DLX4: variants seen among roughly 807,000 people sequenced by gnomAD.
DLX4 encodes distal-less homeobox 4.
Under a neutral mutation model 17.1 loss-of-function variants are expected in DLX4, and 13 were observed. The ratio of observed to expected loss-of-function variants is 0.76; its 90% CI spans 0.49 to 1.21. DLX4 has a LOEUF of 1.21. DLX4 is among the 50% of genes most tolerant of loss of function. The pLI is 0.00. For synonymous variants in DLX4, 129 were observed against 140.3 expected (o/e 0.92, Z 0.57); for missense variants, 297 against 301.4 (o/e 0.99, Z 0.11).
At chr17:49,973,396 A>G (rs753442669) in intron 2 of DLX4, 127 bp downstream of exon 2, 3 of 1,368,086 alleles carry the variant, frequency 2.2e-6, no homozygotes, top group Non-Finnish European at 3.0e-6. Context: ...TCTCCAGGGA[A>G]TGTTCATAGC....
At chr17:49,971,516 C>G (rs923881632) in intron 1 of DLX4, among the ~76,000 whole-genome samples, 10 of 152,102 alleles carry the variant, frequency 6.6e-5, no homozygotes, top group African/African-American at 2.4e-4. Context: ...GATCTCGTAA[C>G]TTGCTGGAAC....
chr17:49,973,361 G>T (rs773499716), intron 2 of DLX4, 92 bp downstream of exon 2: 26 of 1,507,966 alleles, frequency 1.7e-5, no homozygotes, highest in Non-Finnish European at 2.2e-5. Context: ...CTGATGGATT[G>T]GTGCTGTGGC....
chr17:49,969,483 C>T lies in DLX4; in HGVS notation c.15C>T (p.Pro5=), dbSNP rs1318636884. MTSL[P]CPLPGRDASK... is the part of the protein sequence containing the mutation. ...CCCTGGCCACAATGACCTCTTTGCC[C>T]TGCCCCCTCCCCGGCCGGGACGCCT... is the stretch of plus-strand genomic sequence containing the variant. The change falls in exon 1 of 3, where the codon CCC becomes CCT. Residue 5 remains proline (P), a synonymous_variant. Transcript: ENST00000240306. 1.9e-6 allele frequency: 3 copies of T among 1,591,696 alleles called. No individual in the cohort carries two copies. The highest frequency in any genetic ancestry group is 1.1e-5 in the South Asian group (1 of 88,324).
chr17:49,973,543 G>A (rs1212745272), intron 2 of DLX4, 158 bp from the exon 3 acceptor site: 16 of 1,069,964 alleles, frequency 1.5e-5, no homozygotes, highest in Non-Finnish European at 2.2e-5. Context: ...AACTCAGAAG[G>A]CTCCTGGGGC....
In DLX4 at chr17:49,973,946, C is replaced by T; in HGVS notation, c.*3C>T. 6.3e-7 allele frequency: 1 copy of T among 1,598,790 alleles called. No homozygotes were observed. The highest frequency in any genetic ancestry group is 8.5e-7 in the Non-Finnish European group (1 of 1,173,972). ...TGGCTTCGCCTCAGATGATGTGAATCTGGGGAAGGGCGGGTCAGGCCCACA... is the reference window on the plus strand; with the variant it reads ...TGGCTTCGCCTCAGATGATGTGAATTTGGGGAAGGGCGGGTCAGGCCCACA... On this transcript the variant is annotated 3_prime_UTR_variant, in exon 3 of 3. Coordinates refer to ENST00000240306, the MANE Select transcript of DLX4 (RefSeq NM_138281.3).
Position 49,973,774 on chromosome 17 carries a change from G to C in DLX4, c.554G>C (p.Gly185Ala), listed in dbSNP as rs1232238277. 2.5e-5 allele frequency: 40 copies of C among 1,569,156 alleles called. No individual in the cohort carries two copies. Among genetic ancestry groups the C allele is most frequent in the Non-Finnish European group, 3.0e-5 (35 of 1,156,630 alleles). ...LLKQNSGGQEGDFPGRTFSVS... is the reference protein window; with the variant it reads ...LLKQNSGGQEADFPGRTFSVS... ...AAGCAGAATTCTGGGGGGCAGGAAGGGGACTTCCCTGGGAGGACCTTCTCT... is the reference window on the plus strand; with the variant it reads ...AAGCAGAATTCTGGGGGGCAGGAAGCGGACTTCCCTGGGAGGACCTTCTCT... Residue 185 changes from glycine (G) to alanine (A), a missense_variant, in exon 3 of 3, where the codon GGG becomes GCG. Coordinates refer to ENST00000240306, the MANE Select transcript of DLX4 (RefSeq NM_138281.3).
Position 49,974,126 on chromosome 17 carries a change from C to A in DLX4, c.*183C>A. On this transcript the variant is annotated 3_prime_UTR_variant, in exon 3 of 3. Coordinates refer to ENST00000240306, the MANE Select transcript of DLX4 (RefSeq NM_138281.3). ...GTACCCCTAACCCTAACAGCTAAAT[C>A]AAGGACCTCAGCCTTATATAATCAT... The A allele has an allele frequency of 2.9e-6, 2 of 681,056 alleles. No homozygotes were observed. The highest frequency in any genetic ancestry group is 4.4e-6 in the Non-Finnish European group (2 of 452,082). The allele number at this position is 681,056 out of a possible 1,614,324, so 42.2% of individuals were successfully genotyped here.
At position 49,973,103 on chromosome 17, in the gene DLX4, C is replaced by T. The variant is rs1450734914; in HGVS notation, c.314C>T (p.Pro105Leu). The T allele has an allele frequency of 6.2e-7, 1 of 1,614,008 alleles. No homozygotes were observed. Among genetic ancestry groups the T allele is most frequent in the Non-Finnish European group, 8.5e-7 (1 of 1,179,994 alleles). The change falls in exon 2 of 3, where the codon CCC becomes CTC. Residue 105 changes from proline (P) to leucine (L), a missense_variant. By Grantham distance (98) the Pro-to-Leu change is moderately conservative. Coordinates refer to ENST00000240306, the MANE Select transcript of DLX4 (RefSeq NM_138281.3). Reference sequence around the variant, plus strand: ...GAGAAGCCGCGGCTGTCCCCGGAACCCTCCGAGCGGCGCCCTCAGGCCCCC... The same window carrying T: ...GAGAAGCCGCGGCTGTCCCCGGAACTCTCCGAGCGGCGCCCTCAGGCCCCC... The part of the protein sequence containing the change: ...DSEKPRLSPE[P>L]SERRPQAPAK...
rs1905645143 is a variant in DLX4 at position 49,974,444 on chromosome 17, C to T, written c.*501C>T. 6.6e-6 allele frequency: 1 copy of T among 152,208 alleles called. No homozygotes were observed. The highest frequency in any genetic ancestry group is 1.5e-5 in the Non-Finnish European group (1 of 68,106). 9.4% of individuals were successfully genotyped at this position (152,208 alleles called of 1,614,324 possible). ...AAAAGCAGAAGTGGACCACCATCAGCTCCCACCCACCCAGCGATTTTTCCT... is the reference window on the plus strand; with the variant it reads ...AAAAGCAGAAGTGGACCACCATCAGTTCCCACCCACCCAGCGATTTTTCCT... On this transcript the variant is annotated 3_prime_UTR_variant, in exon 3 of 3. Transcript: ENST00000240306.
At chr17:49,968,951 C>T (rs117827495), upstream of DLX4, 171 of 152,934 alleles carry the variant, frequency 1.1e-3, no homozygotes, top group Non-Finnish European at 1.7e-3. Context: ...AGTCTCGCCA[C>T]CTCTCTAGCA....
intron 1 of DLX4, among the ~76,000 whole-genome samples, 170 bp downstream of exon 1, chr17:49,969,921 G>T (rs1412287854): frequency 1.7e-4 from 25 of 147,302 alleles, no homozygotes; most frequent in Non-Finnish European, 2.4e-4. Context: ...GACACGGGGG[G>T]AGGGGCGGGG....
At position 49,973,778 on chromosome 17, in the gene DLX4, C is replaced by T; in HGVS notation, c.558C>T (p.Asp186=). ...AGAATTCTGGGGGGCAGGAAGGGGA[C>T]TTCCCTGGGAGGACCTTCTCTGTGT... is the stretch of plus-strand genomic sequence containing the variant. ...LKQNSGGQEG[D]FPGRTFSVSP... The change falls in exon 3 of 3, where the codon GAC becomes GAT. Residue 186 remains aspartate (D), a synonymous_variant. Transcript: ENST00000240306. 8 of 1,573,220 alleles carry T rather than the reference C, an allele frequency of 5.1e-6. No individual in the cohort carries two copies. The highest frequency in any genetic ancestry group is 6.9e-6 in the Non-Finnish European group (8 of 1,158,696).
Position 49,972,756 on chromosome 17 carries a change from C to T in DLX4, c.284-317C>T. On this transcript the variant is annotated intron_variant, in intron 1 of 2. Transcript: ENST00000240306. The surrounding 1 kb of genome is among the most constrained non-coding windows in gnomAD (Gnocchi z 5.4). ...GGCGCCACCGCCCGTGGCTGAACTC[C>T]GACCTCCCACCGCAGGCGCCGCGGT... 7.2e-7 allele frequency: 1 copy of T among 1,388,864 alleles called. No individual in the cohort carries two copies. 86.0% of individuals were successfully genotyped at this position (1,388,864 alleles called of 1,614,324 possible).
chr17:49,974,056 T>G lies in DLX4; in HGVS notation c.*113T>G. Reference sequence around the variant, plus strand: ...AAACCAGCTCCAGATGGGTTTTCTCTGGAGGACAAGCAGTTAGAGGAGAAA... The same window carrying G: ...AAACCAGCTCCAGATGGGTTTTCTCGGGAGGACAAGCAGTTAGAGGAGAAA... On this transcript the variant is annotated 3_prime_UTR_variant, in exon 3 of 3. Transcript: ENST00000240306. The G allele has an allele frequency of 7.3e-7, 1 of 1,372,432 alleles. No homozygotes were observed. Among genetic ancestry groups the G allele is most frequent in the Non-Finnish European group, 9.6e-7 (1 of 1,042,508 alleles). The allele number at this position is 1,372,432 out of a possible 1,614,324, so 85.0% of individuals were successfully genotyped here.
Position 49,972,591 on chromosome 17 carries a change from A to T in DLX4, c.284-482A>T. The T allele has an allele frequency of 2.3e-6, 1 of 440,784 alleles. No homozygotes were observed. The highest frequency in any genetic ancestry group is 3.1e-6 in the Non-Finnish European group (1 of 323,986). The allele number at this position is 440,784 out of a possible 1,614,324, so 27.3% of individuals were successfully genotyped here. A position where few individuals can be genotyped will look rare whatever the true frequency, so the allele number is the denominator to read the frequency against. ...GCCTCTCACCCACCCCGCTGGCCGC[A>T]GCCGGAGGCTGCCACGCGGACACCG... On this transcript the variant is annotated intron_variant, in intron 1 of 2. Coordinates refer to ENST00000240306, the MANE Select transcript of DLX4 (RefSeq NM_138281.3). This position sits in a 1 kb window ranked among gnomAD's most constrained non-coding sequence, Gnocchi z 5.4.
chr17:49,970,566 ACCT>A (rs1905470329), intron 1 of DLX4, among the ~76,000 whole-genome samples: 1 of 152,218 alleles, frequency 6.6e-6, no homozygotes, highest in South Asian at 2.1e-4. Flanking sequence ...GAAGCGGAGA[ACCT>A]GGCCCGTCTT....
At chr17:49,969,183 G>A (rs1351139916), upstream of DLX4, 2 of 341,210 alleles carry the variant, frequency 5.9e-6, no homozygotes, top group Non-Finnish European at 1.1e-5. Flanking sequence ...AAGAGGGCGG[G>A]GCCCCCGTCG....
chr17:49,973,516 A>G (rs1326531236), intron 2 of DLX4, 185 bp from the exon 3 acceptor site: 3 of 966,050 alleles, frequency 3.1e-6, no homozygotes, highest in Non-Finnish European at 4.6e-6. Context: ...AGACATGGAT[A>G]CTAGCTCAGA....
At position 49,973,840 on chromosome 17, in the gene DLX4, TACCCAAGGC is replaced by T. The variant is rs1299776461; in HGVS notation, c.622_630del (p.Pro208_Ala210del). On this transcript the variant is annotated inframe_deletion, in exon 3 of 3. Transcript: ENST00000240306. ...CCACCCCTCCCCTCCCTCTGGGATC[TACCCAAGGC>T]AGGGACCCTGCCCACCAGTGGCTAT... 6.2e-7 allele frequency: 1 copy of T among 1,603,784 alleles called. No homozygotes were observed. Among genetic ancestry groups the T allele is most frequent in the Non-Finnish European group, 8.5e-7 (1 of 1,173,034 alleles).
Sources: allele counts gnomAD v4.1 joint callset (sites outside exome capture counted in the v4.1 genomes callset), GRCh38; gene constraint gnomAD v4.1.1; non-coding constraint Gnocchi (gnomAD v3.1); transcripts MANE v1.5; gene names NCBI Gene and HGNC (gene_info 2026-07-23, HGNC 2026-07-21).